The following TTYH2 variants were observed in gnomAD, a reference collection of about 807,000 sequenced individuals.
TTYH2 encodes the protein tweety family member 2.
Under a neutral mutation model 68.3 loss-of-function variants are expected in TTYH2, and 49 were observed. The ratio of observed to expected loss-of-function variants is 0.72; its 90% CI spans 0.57 to 0.91. The LOEUF is 0.91. TTYH2 is among the 40% of genes least tolerant of loss of function. The pLI, the probability that TTYH2 is intolerant of heterozygous loss-of-function variation, is 0.00. For synonymous variants in TTYH2, 272 were observed against 300.8 expected (o/e 0.90, Z 0.99); for missense variants, 631 against 700.4 (o/e 0.90, Z 1.12).
intron 2 of TTYH2, among the ~76,000 whole-genome samples, chr17:74,223,304 G>A (rs745636182): frequency 2.0e-5 from 3 of 147,716 alleles, no homozygotes; most frequent in African/African-American, 5.2e-5. Context: ...GGGGGTGGGC[G>A]GGGAAGAGAC....
chr17:74,255,745 G>T (rs2050687198), intron 13 of TTYH2, among the ~76,000 whole-genome samples: 1 of 152,140 alleles, frequency 6.6e-6, no homozygotes, highest in African/African-American at 2.4e-5. Context: ...CCAGAGCTGT[G>T]GCATTTATAA....
chr17:74,239,309 C>T lies in TTYH2; in HGVS notation c.635+1795C>T, dbSNP rs2050476129. Reference sequence around the variant, plus strand: ...CTGAATGATGGCCTGGGCTTGTGCTCCCAGGGCCCGGGCCTAGCATGGAGG... The same window carrying T: ...CTGAATGATGGCCTGGGCTTGTGCTTCCAGGGCCCGGGCCTAGCATGGAGG... On this transcript the variant is annotated intron_variant, in intron 4 of 13. Coordinates refer to ENST00000269346, the MANE Select transcript of TTYH2 (RefSeq NM_032646.6). The surrounding 1 kb of genome is among the most constrained non-coding windows in gnomAD (Gnocchi z 5.3). 6.6e-6 allele frequency among the ~76,000 whole-genome samples: 1 copy of T among 152,168 alleles called. No homozygotes were observed. Among genetic ancestry groups the T allele is most frequent in the South Asian group, 2.1e-4 (1 of 4,830 alleles).
chr17:74,257,481 G>A (rs768667383), intron 13 of TTYH2, among the ~76,000 whole-genome samples: 6 of 152,092 alleles, frequency 3.9e-5, no homozygotes, highest in Admixed American at 6.5e-5. Context: ...CACCCTCCCC[G>A]GGGCGCCTGC....
At position 74,260,016 on chromosome 17, in the gene TTYH2, G is replaced by C. The variant is rs7225498; in HGVS notation, c.1525-113G>C. ...ATGGATGTGGGGTGGAGGCACGGCCGGGTTTCCCTCTGACACCCGACCCAG... is the reference window on the plus strand; with the variant it reads ...ATGGATGTGGGGTGGAGGCACGGCCCGGTTTCCCTCTGACACCCGACCCAG... On this transcript the variant is annotated intron_variant, in intron 13 of 13. Coordinates refer to ENST00000269346, the MANE Select transcript of TTYH2 (RefSeq NM_032646.6). The C allele has an allele frequency of 1.5e-5, 13 of 889,876 alleles. No homozygotes were observed. The African/African-American group carries it at 1.8e-4, about 12-fold the overall frequency. The allele number at this position is 889,876 out of a possible 1,614,324, so 55.1% of individuals were successfully genotyped here.
At chr17:74,246,966 T>G (rs1289007250) in intron 6 of TTYH2, among the ~76,000 whole-genome samples, 3 of 152,054 alleles carry the variant, frequency 2.0e-5, no homozygotes, top group Non-Finnish European at 2.9e-5. Flanking sequence ...GGGGATCACC[T>G]GAGGTCAGGA....
In TTYH2 at chr17:74,244,029, G is replaced by A. The variant is rs35682745; in HGVS notation, c.784G>A (p.Ala262Thr). The A allele has an allele frequency of 0.15, 246,512 of 1,611,084 alleles. 19,677 individuals are homozygous for A. Among genetic ancestry groups the A allele is most frequent in the Non-Finnish European group, 0.16 (190,308 of 1,179,214 alleles). ...SLLLSWASLA[A>T]DGSAAVATSD... is the part of the protein sequence containing the mutation. ...GCTCCTCAGTTGGGCATCCCTGGCC[G>A]CTGATGGCTCTGCGGCAGTGGTGAG... The change falls in exon 6 of 14, where the codon GCT (alanine) becomes ACT (threonine). Residue 262 changes from alanine to threonine, a missense_variant. Transcript: ENST00000269346.
In TTYH2 at chr17:74,239,527, G is replaced by T. The variant is rs374823719; in HGVS notation, c.635+2013G>T. 5.9e-5 allele frequency among the ~76,000 whole-genome samples: 9 copies of T among 152,258 alleles called. 1 individual carries two copies. The highest frequency in any genetic ancestry group is 5.8e-4 in the East Asian group (3 of 5,180). ...GTGTCATAAAGCCCCACTCCAGGAG[G>T]TCACTGCTGGACTGAGTCCAGGGGC... On this transcript the variant is annotated intron_variant, in intron 4 of 13. Coordinates refer to ENST00000269346, the MANE Select transcript of TTYH2 (RefSeq NM_032646.6). This position sits in a 1 kb window ranked among gnomAD's most constrained non-coding sequence, Gnocchi z 5.3.
chr17:74,230,139 AAAAAT>A (rs2050372901), intron 2 of TTYH2, among the ~76,000 whole-genome samples: 1 of 152,134 alleles, frequency 6.6e-6, no homozygotes, highest in Non-Finnish European at 1.5e-5. Context: ...TCAAAAAAAT[AAAAAT>A]AAAAATAAAG....
chr17:74,216,127 G>A (rs1320532833), intron 1 of TTYH2, among the ~76,000 whole-genome samples: 1 of 152,200 alleles, frequency 6.6e-6, no homozygotes, highest in Non-Finnish European at 1.5e-5. Flanking sequence ...CACATAACAG[G>A]AGCCAGTGAC....
intron 6 of TTYH2, chr17:74,248,152 G>C (rs1424909586): frequency 1.8e-6 from 1 of 549,846 alleles, no homozygotes; most frequent in East Asian, 1.5e-4. Flanking sequence ...TGCCCGGGGA[G>C]CATGTGCCAG....
At chr17:74,246,781 G>A (rs1329606836) in intron 6 of TTYH2, among the ~76,000 whole-genome samples, 1 of 152,194 alleles carries the variant, frequency 6.6e-6, no homozygotes, top group Non-Finnish European at 1.5e-5. Flanking sequence ...CCACATGGCT[G>A]AGGAAGCCCC....
intron 4 of TTYH2, among the ~76,000 whole-genome samples, chr17:74,240,380 A>C (rs1327547640): frequency 6.6e-6 from 1 of 151,978 alleles, no homozygotes. Flanking sequence ...CGGAGGCTGC[A>C]GTGAGCCGAG....
At position 74,239,237 on chromosome 17, in the gene TTYH2, A is replaced by G. The variant is rs1013335906; in HGVS notation, c.635+1723A>G. Among the ~76,000 whole-genome samples, 1 of 152,194 alleles carries G rather than the reference A, an allele frequency of 6.6e-6. No individual in the cohort carries two copies. Reference sequence around the variant, plus strand: ...GGGTCCAGCGAAGTTTGCTCCGTGGAAAGCACAGGAAGGAGGCAGCAGCCC... The same window carrying G: ...GGGTCCAGCGAAGTTTGCTCCGTGGGAAGCACAGGAAGGAGGCAGCAGCCC... On this transcript the variant is annotated intron_variant, in intron 4 of 13. Transcript: ENST00000269346. The surrounding 1 kb of genome is among the most constrained non-coding windows in gnomAD (Gnocchi z 5.3).
intron 13 of TTYH2, 118 bp from the exon 14 acceptor site, chr17:74,260,011 C>A: frequency 1.2e-6 from 1 of 842,984 alleles, no homozygotes; most frequent in Non-Finnish European, 2.0e-6. Context: ...GGTGGAGGCA[C>A]GGCCGGGTTT....
rs2143721030 is a variant in TTYH2 at position 74,222,745 on chromosome 17, A to G, written c.302+88A>G. On this transcript the variant is annotated intron_variant, in intron 2 of 13. Coordinates refer to ENST00000269346, the MANE Select transcript of TTYH2 (RefSeq NM_032646.6). The surrounding 1 kb of genome is among the most constrained non-coding windows in gnomAD (Gnocchi z 5.2). ...TTTGACCATGTTCTGACGGAGCTCC[A>G]GCTACCTTGATGGAAAAGCTTGTCC... 7.2e-7 allele frequency: 1 copy of G among 1,383,504 alleles called. No individual in the cohort carries two copies. Among genetic ancestry groups the G allele is most frequent in the Non-Finnish European group, 9.5e-7 (1 of 1,053,174 alleles). 85.7% of individuals were successfully genotyped at this position (1,383,504 alleles called of 1,614,324 possible). A position where few individuals can be genotyped will look rare whatever the true frequency, so the allele number is the denominator to read the frequency against.
At position 74,254,598 on chromosome 17, in the gene TTYH2, TGTACTTCCAAGA is replaced by T. The variant is rs2050674574; in HGVS notation, c.1524+767_1524+778del. ...GATGAGGTGCTGTCTTCCTGATGTTTGTACTTCCAAGAGATGGCTCCCAGACCTGAAAAAACC... is the reference window on the plus strand; with the variant it reads ...GATGAGGTGCTGTCTTCCTGATGTTTGATGGCTCCCAGACCTGAAAAAACC... On this transcript the variant is annotated intron_variant, in intron 13 of 13. Coordinates refer to ENST00000269346, the MANE Select transcript of TTYH2 (RefSeq NM_032646.6). Among the ~76,000 whole-genome samples the T allele has an allele frequency of 2.6e-5, 4 of 152,240 alleles. No individual in the cohort carries two copies. The South Asian group carries it at 8.3e-4, about 32-fold the overall frequency.
chr17:74,233,189 G>C (rs1223495795), intron 3 of TTYH2, among the ~76,000 whole-genome samples: 1 of 152,126 alleles, frequency 6.6e-6, no homozygotes, highest in African/African-American at 2.4e-5. Flanking sequence ...TGAACCCCTA[G>C]GGCCCAGGTG....
intron 1 of TTYH2, among the ~76,000 whole-genome samples, chr17:74,219,364 G>A (rs1011851685): frequency 7.3e-6 from 1 of 136,374 alleles, no homozygotes; most frequent in African/African-American, 3.7e-5. Context: ...ACTCCAGCCT[G>A]GCGACAGAGC....
In TTYH2 at chr17:74,252,370, C is replaced by T; in HGVS notation, c.1253C>T (p.Thr418Ile). 2 of 1,613,484 alleles carry T rather than the reference C, an allele frequency of 1.2e-6. No homozygotes were observed. The highest frequency in any genetic ancestry group is 1.7e-6 in the Non-Finnish European group (2 of 1,179,916). ...GGGCCAAGGGCCTGGAAGCACTTCA[C>T]CACCAGGTGGGCTGCCTAGTAAGGA... Reference protein sequence around the residue: ...CAGPRAWKHFTTRNRDYDDID... With the variant: ...CAGPRAWKHFITRNRDYDDID... Residue 418 changes from threonine (T) to isoleucine (I), a missense_variant, in exon 11 of 14, where the codon ACC (threonine) becomes ATC (isoleucine). Thr to Ile is a moderately conservative substitution (Grantham distance 89). Transcript: ENST00000269346.
Sources: gnomAD v4.1 joint callset for allele counts (sites outside exome capture counted in the v4.1 genomes callset) on GRCh38, gnomAD v4.1.1 for gene constraint, Gnocchi (gnomAD v3.1) non-coding constraint, MANE v1.5 for transcripts, NCBI Gene and HGNC (gene_info 2026-07-23, HGNC 2026-07-21) for gene names.